Variants in KREMEN2 observed in about 807,000 individuals in gnomAD.
KREMEN2 encodes the protein kringle containing transmembrane protein 2.
Under a neutral mutation model 49.8 loss-of-function variants are expected in KREMEN2, and 43 were observed. The observed-to-expected ratio is 0.86, with a 90% CI of 0.68 to 1.11. KREMEN2 has a LOEUF of 1.11. Among genes scored for constraint, KREMEN2 ranks in the 50% most tolerant of loss-of-function variants. The pLI is 0.00. For synonymous variants in KREMEN2, 355 were observed against 304.9 expected, an observed-to-expected ratio of 1.16 and a Z score of -1.71; for missense variants, 686 against 665.7, an observed-to-expected ratio of 1.03 and a Z score of -0.34.
chr16:2,968,023 C>T lies in KREMEN2; in HGVS notation c.*3C>T, dbSNP rs750140044. The T allele has an allele frequency of 5.8e-6, 9 of 1,549,952 alleles. No individual in the cohort carries two copies. Among genetic ancestry groups the T allele is most frequent in the East Asian group, 2.4e-5 (1 of 42,292 alleles). On this transcript the variant is annotated 3_prime_UTR_variant, in exon 9 of 9. Coordinates refer to ENST00000303746, the MANE Select transcript of KREMEN2 (RefSeq NM_172229.3). ...GCTCGCTCATCTCCGCTCTCTGACT[C>T]TGGGCCCCGAGGGTCCGCTGGGCCC...
rs2071789313 is a variant in KREMEN2 at position 2,964,985 on chromosome 16, C to T, written c.221C>T (p.Ala74Val). 6.4e-7 allele frequency: 1 copy of T among 1,570,406 alleles called. No individual in the cohort carries two copies. Among genetic ancestry groups the T allele is most frequent in the African/African-American group, 1.4e-5 (1 of 73,268 alleles). The stretch of plus-strand genomic sequence containing the variant: ...ACGCAGCAACACAGCTACAGCAGCG[C>T]CAGCGACCCCCACGGCCGCTGGGGG... ...DQTQQHSYSS[A>V]SDPHGRWGLG... The change falls in exon 2 of 9, where the codon GCC becomes GTC. Residue 74 changes from alanine to valine, a missense_variant. By Grantham distance (64) the Ala-to-Val change is moderately conservative. Coordinates refer to ENST00000303746, the MANE Select transcript of KREMEN2 (RefSeq NM_172229.3).
At chr16:2,964,639 C>T in intron 1 of KREMEN2, 25 bp downstream of exon 1, 4 of 1,547,518 alleles carry the variant, frequency 2.6e-6, no homozygotes, top group Non-Finnish European at 3.5e-6. Flanking sequence ...GGCTGTCGGG[C>T]CGTGTTCACC....
chr16:2,967,141 C>A lies in KREMEN2; in HGVS notation c.872C>A (p.Pro291Gln), dbSNP rs1174651800. Residue 291 changes from proline to glutamine, a missense_variant, in exon 6 of 9, where the codon CCA becomes CAA. Transcript: ENST00000303746. ...CTCCGCGCCTTCGATGGCGCCCGCCCACCGCCGTCCGGGCCGCTGCGCCTG... is the reference window on the plus strand; with the variant it reads ...CTCCGCGCCTTCGATGGCGCCCGCCAACCGCCGTCCGGGCCGCTGCGCCTG... ...SLLRAFDGARPPPSGPLRLGT... is the reference protein window; with the variant it reads ...SLLRAFDGARQPPSGPLRLGT... 1.4e-6 allele frequency: 2 copies of A among 1,397,874 alleles called. No homozygotes were observed. Among genetic ancestry groups the A allele is most frequent in the Admixed American group, 3.5e-5 (1 of 28,918 alleles). 86.6% of individuals were successfully genotyped at this position (1,397,874 alleles called of 1,614,324 possible). A position where few individuals can be genotyped will look rare whatever the true frequency, so the allele number is the denominator to read the frequency against.
In KREMEN2 at chr16:2,964,527, A is replaced by G. The variant is rs756981088; in HGVS notation, c.7A>G (p.Thr3Ala). 6.3e-7 allele frequency: 1 copy of G among 1,583,310 alleles called. No individual in the cohort carries two copies. Among genetic ancestry groups the G allele is most frequent in the African/African-American group, 1.4e-5 (1 of 73,216 alleles). MG[T>A]QALQGFLFLL... is the part of the protein sequence containing the mutation. The stretch of plus-strand genomic sequence containing the variant: ...CTATCCTTGGTTGAGAGCGATGGGG[A>G]CACAAGCCCTGCAGGGCTTCCTCTT... Residue 3 changes from threonine (T) to alanine (A), a missense_variant, in exon 1 of 9, where the codon ACA becomes GCA. By Grantham distance (58) the Thr-to-Ala change is moderately conservative (BLOSUM62 0). Coordinates refer to ENST00000303746, the MANE Select transcript of KREMEN2 (RefSeq NM_172229.3).
chr16:2,965,027 T>C lies in KREMEN2; in HGVS notation c.263T>C (p.Phe88Ser), dbSNP rs1048784082. The C allele has an allele frequency of 2.6e-6, 4 of 1,540,510 alleles. No individual in the cohort carries two copies. The highest frequency in any genetic ancestry group is 3.5e-6 in the Non-Finnish European group (4 of 1,146,042). ...CGCTGGGGGCTGGGCGCGCACAACT[T>C]CTGCCGGTGAGGGGCGGGGCCTGCG... The part of the protein sequence containing the change: ...HGRWGLGAHN[F>S]CRNPDGDVQP... The change falls in exon 2 of 9, where the codon TTC (phenylalanine) becomes TCC (serine). Residue 88 changes from phenylalanine (F) to serine (S), a missense_variant. Physicochemically the swap from Phe to Ser is radical, Grantham distance 155 (BLOSUM62 -2). Coordinates refer to ENST00000303746, the MANE Select transcript of KREMEN2 (RefSeq NM_172229.3).
rs767564550 is a variant in KREMEN2, at chr16:2,965,046, G to A, written c.269+13G>A. ...ACAACTTCTGCCGGTGAGGGGCGGG[G>A]CCTGCGCTGGGGGCGAGGCTGGGCT... is the stretch of plus-strand genomic sequence containing the variant. On this transcript the variant is annotated intron_variant, in intron 2 of 8. Transcript: ENST00000303746. 1.3e-4 allele frequency: 196 copies of A among 1,518,276 alleles called. No homozygotes were observed. The highest frequency in any genetic ancestry group is 5.2e-4 in the Middle Eastern group (3 of 5,730). The allele number at this position is 1,518,276 out of a possible 1,614,324, so 94.1% of individuals were successfully genotyped here. A position where few individuals can be genotyped will look rare whatever the true frequency, so the allele number is the denominator to read the frequency against.
At position 2,967,367 on chromosome 16, in the gene KREMEN2, C is replaced by A; in HGVS notation, c.1021C>A (p.Gln341Lys). The A allele has an allele frequency of 1.4e-6, 2 of 1,404,814 alleles. No individual in the cohort carries two copies. Among genetic ancestry groups the A allele is most frequent in the South Asian group, 1.6e-5 (1 of 64,458 alleles). The allele number at this position is 1,404,814 out of a possible 1,614,324, so 87.0% of individuals were successfully genotyped here. A position where few individuals can be genotyped will look rare whatever the true frequency, so the allele number is the denominator to read the frequency against. ...EDPEAPEGSA[Q>K]TPAAPLDGAN... ...CCCAGAGGCCCCCGAGGGCTCGGCCCAGACCCCCGCGGCGCCCCTCGACGG... is the reference window on the plus strand; with the variant it reads ...CCCAGAGGCCCCCGAGGGCTCGGCCAAGACCCCCGCGGCGCCCCTCGACGG... The change falls in exon 7 of 9, where the codon CAG becomes AAG. Residue 341 changes from glutamine (Q) to lysine (K), a missense_variant. Transcript: ENST00000303746.
chr16:2,968,098 C>T lies in KREMEN2; in HGVS notation c.*78C>T, dbSNP rs775100993. ...GATGCTGTGCTGCGCCCTGCCTCGG[C>T]CTTGCGCCTGTGTAGGGGCAGCTCG... On this transcript the variant is annotated 3_prime_UTR_variant, in exon 9 of 9. Coordinates refer to ENST00000303746, the MANE Select transcript of KREMEN2 (RefSeq NM_172229.3). The T allele has an allele frequency of 1.3e-5, 18 of 1,423,696 alleles. No homozygotes were observed. The South Asian group carries it at 1.6e-4, about 13-fold the overall frequency. 88.2% of individuals were successfully genotyped at this position (1,423,696 alleles called of 1,614,324 possible). A position where few individuals can be genotyped will look rare whatever the true frequency, so the allele number is the denominator to read the frequency against.
chr16:2,967,704 G>A, intron 8 of KREMEN2, 100 bp downstream of exon 8: 7 of 1,548,362 alleles, frequency 4.5e-6, no homozygotes, highest in Non-Finnish European at 6.1e-6. Context: ...GTTCTTAAGG[G>A]AGCGAGGCTT....
chr16:2,967,804 C>G lies in KREMEN2; in HGVS notation c.1179-6C>G. The G allele has an allele frequency of 1.3e-6, 2 of 1,549,600 alleles. No individual in the cohort carries two copies. Among genetic ancestry groups the G allele is most frequent in the Non-Finnish European group, 1.7e-6 (2 of 1,146,502 alleles). On this transcript the variant is annotated splice_polypyrimidine_tract_variant and splice_region_variant and intron_variant, in intron 8 of 8. Transcript: ENST00000303746. ...CCGGCTCGGCTGATGTCTGCTCCCT[C>G]TCTAGGAGCTGTCTGCTGGCTCCGG...
rs566385058 is a variant in KREMEN2 at position 2,964,928 on chromosome 16, G to A, written c.164G>A (p.Gly55Glu). ...CACCAGAACCGCACTGGCCCGCGCG[G>A]GGCGGGCCGCCCGTGCCTCTTCTGG... ...RGHQNRTGPR[G>E]AGRPCLFWDQ... Residue 55 changes from glycine (G) to glutamate (E), a missense_variant, in exon 2 of 9, where the codon GGG becomes GAG. Coordinates refer to ENST00000303746, the MANE Select transcript of KREMEN2 (RefSeq NM_172229.3). 175 of 1,602,950 alleles carry A rather than the reference G, an allele frequency of 1.1e-4. 2 individuals are homozygous for A. The East Asian group carries it at 3.9e-3, about 36-fold the overall frequency.
In KREMEN2 at chr16:2,967,101, G is replaced by GCTTCGGGCAGCCTGCTCCGCGC; in HGVS notation, c.838_859dup (p.Asp287GlyfsTer52). 1 of 1,480,110 alleles carries GCTTCGGGCAGCCTGCTCCGCGC rather than the reference G, an allele frequency of 6.8e-7. No individual in the cohort carries two copies. Among genetic ancestry groups the GCTTCGGGCAGCCTGCTCCGCGC allele is most frequent in the Non-Finnish European group, 8.9e-7 (1 of 1,122,914 alleles). 91.7% of individuals were successfully genotyped at this position (1,480,110 alleles called of 1,614,324 possible). ...CGACCGGCTGGAGCTGCGCGACGCG[G>GCTTCGGGCAGCCTGCTCCGCGC]CTTCGGGCAGCCTGCTCCGCGCCTT... On this transcript the variant is annotated frameshift_variant, in exon 6 of 9. Transcript: ENST00000303746. LOFTEE classifies it high-confidence loss of function.
rs1208321698 is a variant in KREMEN2 at position 2,966,653 on chromosome 16, G to A, written c.498G>A (p.Val166=). 6.8e-6 allele frequency: 11 copies of A among 1,610,050 alleles called. No homozygotes were observed. The highest frequency in any genetic ancestry group is 9.3e-6 in the Non-Finnish European group (11 of 1,179,910). The part of the protein sequence containing the change: ...CRMKGYQLAG[V]EAGYACFCGS... ...GTCTGTGCTCCCAGCTGGCGGGCGT[G>A]GAGGCCGGTTACGCCTGCTTCTGTG... The change falls in exon 5 of 9, where the codon GTG becomes GTA. Residue 166 remains valine (V), a synonymous_variant. Transcript: ENST00000303746. This position sits in a 1 kb window ranked among gnomAD's most constrained non-coding sequence, Gnocchi z 8.4.
rs747843673 is a variant in KREMEN2, at chr16:2,966,441, G to C, written c.478G>C (p.Gly160Arg). 4 of 1,610,514 alleles carry C rather than the reference G, an allele frequency of 2.5e-6. No homozygotes were observed. In the African/African-American group the frequency reaches 5.3e-5, roughly 22 times the overall value. Residue 160 changes from glycine to arginine, a missense_variant, in exon 4 of 9, where the codon GGG becomes CGG. Gly to Arg is a moderately radical substitution (Grantham distance 125, BLOSUM62 -2). Transcript: ENST00000303746. The surrounding 1 kb of genome is among the most constrained non-coding windows in gnomAD (Gnocchi z 8.4). ...GTGCCTACGCTTCTGCCGCATGAAGGGGTACCAGGTACTGCTCACGGGCCC... is the reference window on the plus strand; with the variant it reads ...GTGCCTACGCTTCTGCCGCATGAAGCGGTACCAGGTACTGCTCACGGGCCC... ...QVCLRFCRMK[G>R]YQLAGVEAGY...
chr16:2,964,648 C>G (rs764850722), intron 1 of KREMEN2, 34 bp downstream of exon 1: 4 of 1,530,854 alleles, frequency 2.6e-6, no homozygotes, highest in African/African-American at 2.8e-5. Flanking sequence ...GCCGTGTTCA[C>G]CACCCCTTCC....
chr16:2,967,277 C>T, intron 6 of KREMEN2, 35 bp downstream of exon 6: 1 of 1,344,514 alleles, frequency 7.4e-7, no homozygotes, highest in Non-Finnish European at 9.5e-7. Flanking sequence ...GCCCGCTGTT[C>T]CCACCCCGCT....
In KREMEN2 at chr16:2,967,081, G is replaced by C. The variant is rs966415166; in HGVS notation, c.812G>C (p.Arg271Pro). The C allele has an allele frequency of 2.0e-6, 3 of 1,511,538 alleles. No individual in the cohort carries two copies. The highest frequency in any genetic ancestry group is 2.6e-6 in the Non-Finnish European group (3 of 1,136,380). The allele number at this position is 1,511,538 out of a possible 1,614,324, so 93.6% of individuals were successfully genotyped here. Residue 271 changes from arginine to proline, a missense_variant, in exon 6 of 9, where the codon CGG becomes CCG. Arg to Pro is a moderately radical substitution (Grantham distance 103, BLOSUM62 -2). Coordinates refer to ENST00000303746, the MANE Select transcript of KREMEN2 (RefSeq NM_172229.3). ...RLFELADPRD[R>P]LELRDAASGS... ...TTCGAGCTGGCCGACCCGCGCGACCGGCTGGAGCTGCGCGACGCGGCTTCG... is the reference window on the plus strand; with the variant it reads ...TTCGAGCTGGCCGACCCGCGCGACCCGCTGGAGCTGCGCGACGCGGCTTCG...
In KREMEN2 at chr16:2,967,421, G is replaced by A; in HGVS notation, c.1075G>A (p.Gly359Arg). 1 of 1,401,702 alleles carries A rather than the reference G, an allele frequency of 7.1e-7. No homozygotes were observed. The highest frequency in any genetic ancestry group is 2.6e-4 in the Middle Eastern group (1 of 3,854). 86.8% of individuals were successfully genotyped at this position (1,401,702 alleles called of 1,614,324 possible). Residue 359 changes from glycine to arginine, a missense_variant, in exon 7 of 9, where the codon GGG becomes AGG. Transcript: ENST00000303746. ...CAACGTGAGCTGCAGCCCCAGGCCTGGGGCTCCGCCGGCCGCGATTGGGGG... is the reference window on the plus strand; with the variant it reads ...CAACGTGAGCTGCAGCCCCAGGCCTAGGGCTCCGCCGGCCGCGATTGGGGG... ...GANVSCSPRP[G>R]APPAAIGARV...
At position 2,965,045 on chromosome 16, in the gene KREMEN2, G is replaced by T. The variant is rs1436872670; in HGVS notation, c.269+12G>T. On this transcript the variant is annotated intron_variant, in intron 2 of 8. Coordinates refer to ENST00000303746, the MANE Select transcript of KREMEN2 (RefSeq NM_172229.3). ...CACAACTTCTGCCGGTGAGGGGCGG[G>T]GCCTGCGCTGGGGGCGAGGCTGGGC... 2 of 1,518,722 alleles carry T rather than the reference G, an allele frequency of 1.3e-6. No individual in the cohort carries two copies. The highest frequency in any genetic ancestry group is 2.1e-5 in the Admixed American group (1 of 47,160). The allele number at this position is 1,518,722 out of a possible 1,614,324, so 94.1% of individuals were successfully genotyped here. A position where few individuals can be genotyped will look rare whatever the true frequency, so the allele number is the denominator to read the frequency against.
Sources: gnomAD v4.1 joint callset for allele counts on GRCh38, gnomAD v4.1.1 for gene constraint, Gnocchi (gnomAD v3.1) non-coding constraint, MANE v1.5 for transcripts, NCBI Gene and HGNC (gene_info 2026-07-23, HGNC 2026-07-21) for gene names.